The following SASS6 variants were observed in gnomAD, a reference collection of about 807,000 sequenced individuals.
The protein encoded by SASS6 is SAS-6 centriolar assembly protein.
A neutral mutation model predicts 94.9 loss-of-function variants in SASS6; 59 were observed. That is an observed-to-expected ratio of 0.62 (90% CI 0.50 to 0.77). The LOEUF (loss-of-function observed/expected upper bound fraction) is 0.77, where lower values mean the gene tolerates loss of function less well. Among genes scored for constraint, SASS6 ranks in the 30% least tolerant of loss-of-function variants. SASS6 has a pLI of 0.00. For synonymous variants in SASS6, 264 were observed against 270.0 expected (o/e 0.98, Z 0.22); for missense variants, 698 against 734.1 (o/e 0.95, Z 0.57).
At chr1:100,094,524 C>A (rs1460237629) in intron 14 of SASS6, among the ~76,000 whole-genome samples, 1 of 152,118 alleles carries the variant, frequency 6.6e-6, no homozygotes, top group African/African-American at 2.4e-5. Flanking sequence ...GGCCAATATG[C>A]TTTATGAACA....
chr1:100,132,893 C>T lies in SASS6; in HGVS notation c.-79G>A. On this transcript the variant is annotated 5_prime_UTR_variant, in exon 1 of 17. Coordinates refer to ENST00000287482, the MANE Select transcript of SASS6 (RefSeq NM_194292.3). ...GGGATTAGCCTGAGAGGTCCGGGTC[C>T]TGATAAAGTTTGAGTTTGGCGCTCG... The T allele has an allele frequency of 1.5e-6, 2 of 1,369,710 alleles. No homozygotes were observed. The highest frequency in any genetic ancestry group is 1.8e-4 in the Middle Eastern group (1 of 5,588). 84.8% of individuals were successfully genotyped at this position (1,369,710 alleles called of 1,614,324 possible). A position where few individuals can be genotyped will look rare whatever the true frequency, so the allele number is the denominator to read the frequency against.
chr1:100,085,069 TAATAA>T lies in SASS6; in HGVS notation c.*254_*258del, dbSNP rs1278855342. 1 of 381,870 alleles carries T rather than the reference TAATAA, an allele frequency of 2.6e-6. No homozygotes were observed. The highest frequency in any genetic ancestry group is 2.0e-5 in the African/African-American group (1 of 49,328). 23.7% of individuals were successfully genotyped at this position (381,870 alleles called of 1,614,324 possible). The stretch of plus-strand genomic sequence containing the variant: ...AGAACTGAATTTCTAAAGAATAGCT[TAATAA>T]AATTCATATTATTCTATAAAACGCC... On this transcript the variant is annotated 3_prime_UTR_variant, in exon 17 of 17. Coordinates refer to ENST00000287482, the MANE Select transcript of SASS6 (RefSeq NM_194292.3).
chr1:100,091,495 T>C (rs1651680997), intron 14 of SASS6, among the ~76,000 whole-genome samples: 1 of 151,538 alleles, frequency 6.6e-6, no homozygotes, highest in Admixed American at 6.6e-5. Context: ...AAGCAACTCA[T>C]AAGGGAAAAG....
In SASS6 at chr1:100,128,622, C is replaced by T. The variant is rs551889543; in HGVS notation, c.66-2680G>A. 3.0e-4 allele frequency among the ~76,000 whole-genome samples: 45 copies of T among 152,318 alleles called. 1 individual carries two copies. The highest frequency in any genetic ancestry group is 1.0e-3 in the African/African-American group (43 of 41,566). ...AAAATACAAGCTTTCAGAGGATACGCTAACTAAAATCACAAATCTTATTTT... is the reference window on the plus strand; with the variant it reads ...AAAATACAAGCTTTCAGAGGATACGTTAACTAAAATCACAAATCTTATTTT... On this transcript the variant is annotated intron_variant, in intron 1 of 16. Transcript: ENST00000287482.
chr1:100,092,778 C>A (rs1338685539), intron 14 of SASS6, among the ~76,000 whole-genome samples: 2 of 151,902 alleles, frequency 1.3e-5, no homozygotes, highest in Non-Finnish European at 2.9e-5. Context: ...GGTTTCACTG[C>A]TTTAGCCAGG....
chr1:100,122,153 T>C (rs1485346936), intron 4 of SASS6, among the ~76,000 whole-genome samples: 2 of 152,260 alleles, frequency 1.3e-5, no homozygotes, highest in Admixed American at 6.5e-5. Context: ...TGCTGCTAAA[T>C]ATTTCGGATG....
At chr1:100,123,147 T>A in intron 3 of SASS6, 63 bp downstream of exon 3, 1 of 700,944 alleles carries the variant, frequency 1.4e-6, no homozygotes, top group Admixed American at 2.6e-5. Flanking sequence ...AAGAGAACAG[T>A]ACCAATAAAA....
intron 14 of SASS6, among the ~76,000 whole-genome samples, chr1:100,094,727 G>A (rs1253353195): frequency 1.3e-5 from 2 of 151,892 alleles, no homozygotes; most frequent in Admixed American, 6.6e-5. Context: ...ATTAGCTGGT[G>A]CAGTGACAGG....
rs1408356358 is a variant in SASS6, at chr1:100,102,587, G to A, written c.1674+368C>T. The stretch of plus-strand genomic sequence containing the variant: ...CCAGCTACTCAGGAGGCTGAGGCAC[G>A]AGAATCACTGAACCCAGGAGGCAGA... On this transcript the variant is annotated intron_variant, in intron 14 of 16. Transcript: ENST00000287482. Among the ~76,000 whole-genome samples, 3 of 150,156 alleles carry A rather than the reference G, an allele frequency of 2.0e-5. No homozygotes were observed. The East Asian group carries it at 5.9e-4, about 30-fold the overall frequency.
intron 7 of SASS6, among the ~76,000 whole-genome samples, chr1:100,114,008 AAAT>A (rs1355900383): frequency 1.3e-5 from 2 of 152,052 alleles, no homozygotes; most frequent in African/African-American, 2.4e-5. Context: ...AAATAAAAAA[AAAT>A]AATAAATTTT....
Position 100,085,097 on chromosome 1 carries a change from G to A in SASS6, c.*231C>T, listed in dbSNP as rs903870544. On this transcript the variant is annotated 3_prime_UTR_variant, in exon 17 of 17. Coordinates refer to ENST00000287482, the MANE Select transcript of SASS6 (RefSeq NM_194292.3). ...TAAAATTCATATTATTCTATAAAAC[G>A]CCATGTTCACAAACCAAAAAATGTC... The A allele has an allele frequency of 1.8e-5, 8 of 449,012 alleles. No individual in the cohort carries two copies. The highest frequency in any genetic ancestry group is 2.8e-5 in the Non-Finnish European group (7 of 250,372). The allele number at this position is 449,012 out of a possible 1,614,324, so 27.8% of individuals were successfully genotyped here.
chr1:100,118,275 AC>A (rs759269137), intron 7 of SASS6, among the ~76,000 whole-genome samples: 96 of 151,934 alleles, frequency 6.3e-4, no homozygotes, highest in Admixed American at 2.6e-3. Flanking sequence ...AGATTGTGCC[AC>A]CGCACTCCAG....
intron 15 of SASS6, 127 bp from the exon 16 acceptor site, chr1:100,085,757 A>G (rs1270915853): frequency 5.3e-6 from 3 of 568,300 alleles, no homozygotes; most frequent in African/African-American, 1.9e-5. Context: ...TTTGTTCAGA[A>G]CACATTCTTC....
At chr1:100,096,983 C>T (rs943979747) in intron 14 of SASS6, among the ~76,000 whole-genome samples, 10 of 152,142 alleles carry the variant, frequency 6.6e-5, no homozygotes, top group African/African-American at 9.6e-5. Context: ...GACGTGGTGG[C>T]GTGCACTTGT....
chr1:100,117,675 AC>A (rs766071571), intron 7 of SASS6, among the ~76,000 whole-genome samples: 71 of 152,028 alleles, frequency 4.7e-4, no homozygotes, highest in Non-Finnish European at 8.8e-4. Flanking sequence ...GAAAAAAAAA[AC>A]AACCACACAG....
intron 1 of SASS6, among the ~76,000 whole-genome samples, chr1:100,130,921 G>A (rs1329200630): frequency 2.0e-5 from 3 of 152,192 alleles, no homozygotes; most frequent in Admixed American, 6.5e-5. Flanking sequence ...TACGAAAACA[G>A]TGAGCCAACT....
At position 100,085,402 on chromosome 1, in the gene SASS6, G is replaced by A. The variant is rs200347217; in HGVS notation, c.1900C>T (p.His634Tyr). 42 of 1,613,424 alleles carry A rather than the reference G, an allele frequency of 2.6e-5. No homozygotes were observed. The Admixed American group carries it at 6.5e-4, about 25-fold the overall frequency. The change falls in exon 17 of 17, where the codon CAT becomes TAT. Residue 634 changes from histidine (H) to tyrosine (Y), a missense_variant. Physicochemically the swap from His to Tyr is moderately conservative, Grantham distance 83. Transcript: ENST00000287482. ...HQRDGTLGAL[H>Y]TSSKPTALPS... ...AGCGCTGTGGGTTTGGAAGATGTAT[G>A]TAATGCTCCTAAAGTGCCATCTCTC...
intron 14 of SASS6, among the ~76,000 whole-genome samples, chr1:100,090,260 TGTCAGAATG>T (rs2101639192): frequency 6.6e-6 from 1 of 152,136 alleles, no homozygotes; most frequent in African/African-American, 2.4e-5. Flanking sequence ...TAAGCCAGAA[TGTCAGAATG>T]GATTCAAATG....
At chr1:100,115,182 CAA>C (rs1242282167) in intron 7 of SASS6, among the ~76,000 whole-genome samples, 5 of 152,028 alleles carry the variant, frequency 3.3e-5, no homozygotes, top group Admixed American at 1.3e-4. Context: ...GAATCAATTC[CAA>C]AACTCTTAGA....
Sources: gnomAD v4.1 joint callset for allele counts (sites outside exome capture counted in the v4.1 genomes callset) on GRCh38, gnomAD v4.1.1 for gene constraint, MANE v1.5 for transcripts, NCBI Gene and HGNC (gene_info 2026-07-23, HGNC 2026-07-21) for gene names.